Variants in DMD observed in about 807,000 individuals in gnomAD.
DMD encodes dystrophin, also known as mutant dystrophin.
In DMD, 63 loss-of-function variants were observed where a neutral mutation model predicts 330.1. The ratio of observed to expected loss-of-function variants is 0.19; its 90% confidence interval spans 0.16 to 0.24. The LOEUF (loss-of-function observed/expected upper bound fraction) is 0.24, where lower values mean the gene tolerates loss of function less well. DMD is among the 10% of genes least tolerant of loss of function. The pLI, the probability that DMD is intolerant of heterozygous loss-of-function variation, is 1.00. For synonymous variants in DMD, 1,223 were observed against 959.8 expected, an observed-to-expected ratio of 1.27 and a Z score of -5.07; for missense variants, 3,344 against 2,684.1, an observed-to-expected ratio of 1.25 and a Z score of -5.43.
intron 30 of DMD, among the ~76,000 whole-genome samples, chrX:32,396,136 G>A (rs1213397747): frequency 4.5e-5 from 5 of 110,670 alleles, no homozygotes; most frequent in African/African-American, 9.9e-5. Context: ...CCAAACACTC[G>A]ACTTTTATCT....
intron 55 of DMD, among the ~76,000 whole-genome samples, chrX:31,620,410 CAT>C (rs1376896820): frequency 9.5e-6 from 1 of 105,760 alleles, no homozygotes; most frequent in Non-Finnish European, 1.9e-5. Context: ...TTTTCCATGA[CAT>C]AATTTTTTTT....
intron 28 of DMD, among the ~76,000 whole-genome samples, chrX:32,439,171 G>A (rs1395216065): frequency 3.6e-5 from 4 of 111,128 alleles, no homozygotes; most frequent in Non-Finnish European, 7.6e-5. Context: ...TAAGTGATGG[G>A]CATATGTTCT....
chrX:31,790,962 C>T (rs763600802), intron 50 of DMD, among the ~76,000 whole-genome samples: 3 of 112,223 alleles, frequency 2.7e-5, no homozygotes, highest in Non-Finnish European at 1.9e-5. Flanking sequence ...GTAGCATCTA[C>T]ATCACTTAAA....
chrX:31,507,640 A>G (rs1006457159), intron 55 of DMD, among the ~76,000 whole-genome samples, 187 bp from the exon 56 acceptor site: 2 of 112,501 alleles, frequency 1.8e-5, no homozygotes. Context: ...TCCTGTTATT[A>G]TGTAGATTTA....
At chrX:32,173,947 T>C (rs2096897267) in intron 44 of DMD, among the ~76,000 whole-genome samples, 1 of 112,027 alleles carries the variant, frequency 8.9e-6, no homozygotes, top group Non-Finnish European at 1.9e-5. Flanking sequence ...TCAAGGTGTA[T>C]AGAAAATTTT....
chrX:31,213,280 G>A (rs2044957020), intron 64 of DMD, among the ~76,000 whole-genome samples: 1 of 112,783 alleles, frequency 8.9e-6, no homozygotes, highest in Admixed American at 9.3e-5. Flanking sequence ...TTTTCAAAGT[G>A]ACTTACTGTG....
At chrX:31,663,256 G>A (rs1335298862) in intron 53 of DMD, among the ~76,000 whole-genome samples, 2 of 111,404 alleles carry the variant, frequency 1.8e-5, no homozygotes, top group African/African-American at 3.3e-5. Flanking sequence ...ACCTTACATT[G>A]GGTGAATTAG....
At chrX:31,822,709 T>TG (rs1569454574) in intron 49 of DMD, among the ~76,000 whole-genome samples, 1 of 107,270 alleles carries the variant, frequency 9.3e-6, no homozygotes, top group African/African-American at 3.4e-5. Flanking sequence ...TGTATTTTTC[T>TG]TGCCTTTGAT....
At position 32,860,871 on chromosome X, in the gene DMD, G is replaced by A. The variant is rs763477353; in HGVS notation, c.94-11051C>T. Among the ~76,000 whole-genome samples, 3 of 111,690 alleles carry A rather than the reference G, an allele frequency of 2.7e-5. No individual in the cohort carries two copies. The East Asian group carries it at 8.4e-4, about 31-fold the overall frequency. On this transcript the variant is annotated intron_variant, in intron 2 of 78. Coordinates refer to ENST00000357033, the MANE Select transcript of DMD (RefSeq NM_004006.3). ...TTTCTCTTGAAAGGAGTCACCTAAA[G>A]ATAGAAAAATGCTGGTTTTGTATTT...
At chrX:32,084,617 C>T (rs981685888) in intron 44 of DMD, among the ~76,000 whole-genome samples, 6 of 111,352 alleles carry the variant, frequency 5.4e-5, no homozygotes, top group Non-Finnish European at 9.4e-5. Flanking sequence ...ATGATGGTGC[C>T]AAATTGAATA....
chrX:31,857,132 A>T (rs1340240364), intron 48 of DMD, among the ~76,000 whole-genome samples: 1 of 110,562 alleles, frequency 9.0e-6, no homozygotes, highest in Non-Finnish European at 1.9e-5. Flanking sequence ...TAATCCCAGC[A>T]CTTTCGGATG....
intron 55 of DMD, among the ~76,000 whole-genome samples, chrX:31,600,775 C>T (rs1286925906): frequency 9.2e-6 from 1 of 108,600 alleles, no homozygotes; most frequent in Non-Finnish European, 1.9e-5. Flanking sequence ...GCCACTGCTC[C>T]TCCCAAGGCA....
At chrX:31,548,509 C>T (rs1403163820) in intron 55 of DMD, among the ~76,000 whole-genome samples, 1 of 110,618 alleles carries the variant, frequency 9.0e-6, no homozygotes, top group Non-Finnish European at 1.9e-5. Flanking sequence ...ATTCCCTCAC[C>T]TCAGGTCCCA....
chrX:32,589,406 T>A (rs1290887058), intron 13 of DMD, among the ~76,000 whole-genome samples: 1 of 110,878 alleles, frequency 9.0e-6, no homozygotes, highest in Non-Finnish European at 1.9e-5. Context: ...GCATGTGCAC[T>A]CTATCTCATA....
rs753133657 is a variant in DMD at position 32,618,369 on chromosome X, G to C, written c.1332-3916C>G. Among the ~76,000 whole-genome samples the C allele has an allele frequency of 4.5e-5, 5 of 111,761 alleles. No homozygotes were observed. In the East Asian group the frequency reaches 1.4e-3, roughly 32 times the overall value. On this transcript the variant is annotated intron_variant, in intron 11 of 78. Coordinates refer to ENST00000357033, the MANE Select transcript of DMD (RefSeq NM_004006.3). ...AGATTATGTTCTTTGCAGAAACGTA[G>C]ATGAAGCTGGAGGCCATTATCCTTA...
intron 44 of DMD, among the ~76,000 whole-genome samples, chrX:32,004,207 A>G (rs1389595012): frequency 9.0e-6 from 1 of 111,252 alleles, no homozygotes; most frequent in African/African-American, 3.3e-5. Context: ...CCACTATACT[A>G]CAATTACCCC....
chrX:31,991,388 A>G (rs1343772970), intron 44 of DMD, among the ~76,000 whole-genome samples: 1 of 111,383 alleles, frequency 9.0e-6, no homozygotes, highest in Non-Finnish European at 1.9e-5. Flanking sequence ...AACTTGGAAA[A>G]AAAAGAGGTA....
At chrX:31,845,375 G>GTCTCTCTCTCTCTCTCTCTCTCTC (rs535397626) in intron 48 of DMD, among the ~76,000 whole-genome samples, 5 of 60,113 alleles carry the variant, frequency 8.3e-5, no homozygotes, top group African/African-American at 1.1e-4. Context: ...ACAGAATAAA[G>GTCTCTCTCTCTCTCTCTCTCTCTC]TCTCTCTCTC....
At chrX:31,955,652 G>C (rs2095239099) in intron 45 of DMD, among the ~76,000 whole-genome samples, 2 of 112,240 alleles carry the variant, frequency 1.8e-5, no homozygotes, top group Non-Finnish European at 3.8e-5. Flanking sequence ...CCTGTTCATA[G>C]AGTAAATGCA....
Sources: allele counts gnomAD v4.1 joint callset (sites outside exome capture counted in the v4.1 genomes callset), GRCh38; gene constraint gnomAD v4.1.1; transcripts MANE v1.5; gene names NCBI Gene and HGNC (gene_info 2026-07-23, HGNC 2026-07-21).